The following NHS variants were observed in gnomAD, a reference collection of about 807,000 sequenced individuals.
NHS encodes the protein actin remodeling regulator NHS.
NHS carries 5 observed loss-of-function variants against 72.5 expected under a neutral mutation model. The ratio of observed to expected loss-of-function variants is 0.07; its 90% CI spans 0.04 to 0.14. NHS has a LOEUF of 0.14. NHS is among the 10% of genes least tolerant of loss of function. The pLI is 1.00. For missense variants in NHS, 1,072 were observed against 1,355.7 expected (o/e 0.79, Z 3.29); for synonymous variants, 464 against 547.7 (o/e 0.85, Z 2.13).
At position 17,732,561 on chromosome X, in the gene NHS, G is replaced by GCTACCCCATCAAGTT; in HGVS notation, c.*97_*98insCTACCCCATCAAGTT. 8.8e-7 allele frequency: 1 copy of GCTACCCCATCAAGTT among 1,132,349 alleles called. No individual in the cohort carries two copies. Among genetic ancestry groups the GCTACCCCATCAAGTT allele is most frequent in the Non-Finnish European group, 1.2e-6 (1 of 825,259 alleles). The allele number at this position is 1,132,349 out of a possible 1,213,427, so 93.3% of individuals were successfully genotyped here. A position where few individuals can be genotyped will look rare whatever the true frequency, so the allele number is the denominator to read the frequency against. On this transcript the variant is annotated 3_prime_UTR_variant, in exon 9 of 9. Transcript: ENST00000676302. ...GACTTGGGAAAAGTCTCAACTTGATGGGGTAGCATCACTGCTAAGCAATGA... is the reference window on the plus strand; with the variant it reads ...GACTTGGGAAAAGTCTCAACTTGATGCTACCCCATCAAGTTGGGTAGCATCACTGCTAAGCAATGA...
At chrX:17,496,186 T>C in intron 1 of NHS, among the ~76,000 whole-genome samples, 1 of 110,862 alleles carries the variant, frequency 9.0e-6, no homozygotes, top group Non-Finnish European at 1.9e-5. Flanking sequence ...CCTGCAGGGG[T>C]AAGCAAAGCA....
At position 17,549,612 on chromosome X, in the gene NHS, C is replaced by G. The variant is rs138565558; in HGVS notation, c.566-138130C>G. 5.4e-3 allele frequency among the ~76,000 whole-genome samples: 602 copies of G among 111,806 alleles called. 5 individuals are homozygous for G. Among genetic ancestry groups the G allele is most frequent in the African/African-American group, 0.019 (582 of 30,777 alleles). On this transcript the variant is annotated intron_variant, in intron 1 of 8. Coordinates refer to ENST00000676302, the MANE Select transcript of NHS (RefSeq NM_001291867.2). ...AGGATGCGCTGACCACAGAAAAGCT[C>G]GTTTCTGTTTAGCAGAAGCGTGAGG...
At chrX:17,463,714 A>G (rs1230200053) in intron 1 of NHS, among the ~76,000 whole-genome samples, 1 of 112,145 alleles carries the variant, frequency 8.9e-6, no homozygotes, top group East Asian at 2.8e-4. Context: ...TTAAAAAGGC[A>G]TGTAAATGTA....
In NHS at chrX:17,375,637, G is replaced by T; in HGVS notation, c.-121G>T. ...GAGCAGAGAAGCCCCCTGCGTATCC[G>T]GACTGCCAGATCGCGCTTTTGCCGG... On this transcript the variant is annotated 5_prime_UTR_variant, in exon 1 of 9. Coordinates refer to ENST00000676302, the MANE Select transcript of NHS (RefSeq NM_001291867.2). The T allele has an allele frequency of 2.8e-6, 2 of 711,997 alleles. No individual in the cohort carries two copies. Among genetic ancestry groups the T allele is most frequent in the Non-Finnish European group, 4.2e-6 (2 of 479,513 alleles). 58.7% of individuals were successfully genotyped at this position (711,997 alleles called of 1,213,427 possible). A position where few individuals can be genotyped will look rare whatever the true frequency, so the allele number is the denominator to read the frequency against.
chrX:17,706,490 A>AAC (rs200289537), intron 3 of NHS, among the ~76,000 whole-genome samples: 3,821 of 97,990 alleles, frequency 0.039, 84 homozygotes, highest in East Asian at 0.11. Context: ...TCAAAATAGA[A>AAC]ACACACACAC....
Position 17,630,946 on chromosome X carries a change from G to A in NHS, c.566-56796G>A, listed in dbSNP as rs757003631. Among the ~76,000 whole-genome samples, 29 of 111,900 alleles carry A rather than the reference G, an allele frequency of 2.6e-4. 1 individual carries two copies. In the South Asian group the frequency reaches 0.011, roughly 42 times the overall value. ...GCCTGAGATTCTATAGTTTTCCTGA[G>A]TTCAGTGTTTGGTAATTTTAATGCA... On this transcript the variant is annotated intron_variant, in intron 1 of 8. Coordinates refer to ENST00000676302, the MANE Select transcript of NHS (RefSeq NM_001291867.2).
intron 3 of NHS, among the ~76,000 whole-genome samples, chrX:17,697,684 G>GGAGAT (rs1312649030): frequency 9.0e-6 from 1 of 111,056 alleles, no homozygotes; most frequent in Admixed American, 9.6e-5. Context: ...AAAGTACAGT[G>GGAGAT]GAGATGAAGA....
intron 1 of NHS, among the ~76,000 whole-genome samples, chrX:17,615,136 G>A (rs865837516): frequency 8.9e-4 from 78 of 87,545 alleles, no homozygotes; most frequent in African/African-American, 2.9e-3. Flanking sequence ...ATACATATGT[G>A]TGTATATATA....
At chrX:17,620,220 C>T (rs2065766270) in intron 1 of NHS, among the ~76,000 whole-genome samples, 1 of 111,584 alleles carries the variant, frequency 9.0e-6, no homozygotes, top group Non-Finnish European at 1.9e-5. Flanking sequence ...AGTCAAAACA[C>T]AAATCAGAAT....
intron 1 of NHS, among the ~76,000 whole-genome samples, chrX:17,542,689 CAGAGAGAG>C (rs746365760): frequency 9.5e-6 from 1 of 105,212 alleles, no homozygotes; most frequent in African/African-American, 3.5e-5. Context: ...GTCCTGAATC[CAGAGAGAG>C]AGAGAGAGAG....
chrX:17,709,854 A>C (rs1012448081), intron 3 of NHS, among the ~76,000 whole-genome samples: 1 of 111,126 alleles, frequency 9.0e-6, no homozygotes, highest in African/African-American at 3.3e-5. Context: ...AGAAGCTCCA[A>C]AGAAGGACCA....
intron 1 of NHS, among the ~76,000 whole-genome samples, chrX:17,678,299 A>T (rs1204100533): frequency 9.2e-6 from 1 of 108,292 alleles, no homozygotes; most frequent in Non-Finnish European, 1.9e-5. Flanking sequence ...TGTGTGAGAG[A>T]GAGAGAGAGA....
At chrX:17,385,501 A>G (rs1407898297) in intron 1 of NHS, among the ~76,000 whole-genome samples, 4 of 111,788 alleles carry the variant, frequency 3.6e-5, no homozygotes, top group East Asian at 2.8e-4. Flanking sequence ...GTGGCAGAGT[A>G]AGACTATATC....
At chrX:17,556,187 CAGAAA>C (rs2065371875) in intron 1 of NHS, among the ~76,000 whole-genome samples, 1 of 112,511 alleles carries the variant, frequency 8.9e-6, no homozygotes. Context: ...CTGGGAGTGA[CAGAAA>C]CATCTGGACT....
At chrX:17,691,777 T>C (rs890248606) in intron 2 of NHS, among the ~76,000 whole-genome samples, 1 of 112,303 alleles carries the variant, frequency 8.9e-6, no homozygotes, top group Non-Finnish European at 1.9e-5. Flanking sequence ...GACTAGACTT[T>C]AATGAAAGCA....
At chrX:17,501,245 G>A (rs1355737332) in intron 1 of NHS, among the ~76,000 whole-genome samples, 2 of 109,310 alleles carry the variant, frequency 1.8e-5, no homozygotes, top group African/African-American at 6.7e-5. Flanking sequence ...ATGCCTGTGG[G>A]CCCAGGCTGA....
At chrX:17,606,815 C>T (rs2065682093) in intron 1 of NHS, among the ~76,000 whole-genome samples, 1 of 112,315 alleles carries the variant, frequency 8.9e-6, no homozygotes, top group Admixed American at 9.4e-5. Context: ...CATACTGAGA[C>T]TCCTCATTTA....
intron 7 of NHS, 115 bp from the exon 8 acceptor site, chrX:17,728,534 G>A: frequency 9.5e-7 from 1 of 1,051,507 alleles, no homozygotes; most frequent in South Asian, 1.9e-5. Context: ...TTAAAAAATG[G>A]CAGCAAGGTA....
At chrX:17,425,905 A>C (rs2064654617) in intron 1 of NHS, 1 of 113,030 alleles carries the variant, frequency 8.8e-6, no homozygotes, top group African/African-American at 3.2e-5. Flanking sequence ...TCTGGATCCC[A>C]TGGATATGGG....
Sources: allele counts gnomAD v4.1 joint callset (sites outside exome capture counted in the v4.1 genomes callset), GRCh38; gene constraint gnomAD v4.1.1; transcripts MANE v1.5; gene names NCBI Gene and HGNC (gene_info 2026-07-23, HGNC 2026-07-21).